The following APBB2 variants were observed in gnomAD, a reference collection of about 807,000 sequenced individuals.
APBB2 encodes Fe65-like 1.
In APBB2, 38 loss-of-function variants were observed where a neutral mutation model predicts 82.5. The ratio of observed to expected loss-of-function variants is 0.46; its 90% confidence interval spans 0.36 to 0.60. The LOEUF (loss-of-function observed/expected upper bound fraction) is 0.60. Among genes scored for constraint, APBB2 ranks in the 20% least tolerant of loss-of-function variants. APBB2 has a pLI of 0.00. For missense variants in APBB2, 772 were observed against 972.3 expected (o/e 0.79, Z 2.74); for synonymous variants, 341 against 368.2 (o/e 0.93, Z 0.85).
rs762900676 is a variant in APBB2 at position 41,014,281 on chromosome 4, T to C, written c.137A>G (p.Asn46Ser). The C allele has an allele frequency of 1.5e-5, 24 of 1,614,054 alleles. No individual in the cohort carries two copies. Among genetic ancestry groups the C allele is most frequent in the Admixed American group, 5.0e-5 (3 of 60,006 alleles). The stretch of plus-strand genomic sequence containing the variant: ...TTTTATTTCAGCGTTCAACAGTTCA[T>C]TGTGGGAGGATCGGAGGTTAAGGGT... ...PNTLNLRSSHNELLNAEIKHT... is the reference protein window; with the variant it reads ...PNTLNLRSSHSELLNAEIKHT... Residue 46 changes from asparagine to serine, a missense_variant, in exon 6 of 18, where the codon AAT (asparagine) becomes AGT (serine). Transcript: ENST00000508593.
chr4:41,082,595 AG>A (rs1402534004), intron 3 of APBB2, among the ~76,000 whole-genome samples: 1 of 148,596 alleles, frequency 6.7e-6, no homozygotes, highest in African/African-American at 2.5e-5. Context: ...TTTAAGAGTT[AG>A]TGGTCCTGCT....
chr4:40,960,446 G>GT (rs371607683), intron 6 of APBB2, among the ~76,000 whole-genome samples: 48,399 of 120,398 alleles, frequency 0.4, 12,726 homozygotes, highest in South Asian at 0.55. Context: ...TTTTTTTTCG[G>GT]GTTTTTTTTT....
chr4:40,846,646 T>G (rs1156948898), intron 12 of APBB2, among the ~76,000 whole-genome samples: 1 of 152,186 alleles, frequency 6.6e-6, no homozygotes, highest in African/African-American at 2.4e-5. Flanking sequence ...CACCTCACTG[T>G]CCTGCCCAGC....
rs144148235 is a variant in APBB2, at chr4:41,013,654, G to A, written c.764C>T (p.Pro255Leu). ...CALHRIQNLA[P>L]SDEESSWTTL... ...TGTCCAGCTGGACTCCTCATCGCTC[G>A]GTGCCAGGTTCTGGATCCGGTGCAG... Residue 255 changes from proline to leucine, a missense_variant, in exon 6 of 18, where the codon CCG (proline) becomes CTG (leucine). Physicochemically the swap from Pro to Leu is moderately conservative, Grantham distance 98. Coordinates refer to ENST00000508593, the MANE Select transcript of APBB2 (RefSeq NM_004307.2). 2.4e-5 allele frequency: 39 copies of A among 1,614,202 alleles called. No homozygotes were observed. Among genetic ancestry groups the A allele is most frequent in the East Asian group, 4.5e-5 (2 of 44,882 alleles).
rs1560914552 is a variant in APBB2, at chr4:41,160,028, A to AGAAGAAGAAGAAGAG, written c.-416-16887_-416-16886insCTCTTCTTCTTCTTC. 2.7e-5 allele frequency among the ~76,000 whole-genome samples: 4 copies of AGAAGAAGAAGAAGAG among 147,640 alleles called. 1 individual carries two copies. Among genetic ancestry groups the AGAAGAAGAAGAAGAG allele is most frequent in the Admixed American group, 1.3e-4 (2 of 15,012 alleles). On this transcript the variant is annotated intron_variant, in intron 1 of 17. Transcript: ENST00000508593. ...AAGAAGAAGAAGAAGAAGAAGAAGA[A>AGAAGAAGAAGAAGAG]GAAGAAGAAAACATCACAGGATGCT...
At chr4:40,857,061 T>C (rs1578009394) in intron 12 of APBB2, 1 of 985,576 alleles carries the variant, frequency 1.0e-6, no homozygotes, top group South Asian at 4.7e-5. Flanking sequence ...CGGGCGGGGA[T>C]GCCGCCCCAG....
At chr4:41,166,977 T>C (rs1766840433) in intron 1 of APBB2, among the ~76,000 whole-genome samples, 1 of 152,234 alleles carries the variant, frequency 6.6e-6, no homozygotes, top group Non-Finnish European at 1.5e-5. Flanking sequence ...ATTTTGGGGT[T>C]AAACCCACAC....
chr4:41,044,488 T>C (rs1181924369), intron 4 of APBB2, among the ~76,000 whole-genome samples: 2 of 152,212 alleles, frequency 1.3e-5, no homozygotes, highest in African/African-American at 4.8e-5. Flanking sequence ...GTTATTTTTG[T>C]TGTTTGAAGC....
chr4:40,973,865 T>C (rs931592758), intron 6 of APBB2, among the ~76,000 whole-genome samples: 23 of 151,670 alleles, frequency 1.5e-4, no homozygotes, highest in African/African-American at 5.6e-4. Context: ...TTTTTTTTTT[T>C]TTTCCAGACA....
intron 3 of APBB2, among the ~76,000 whole-genome samples, chr4:41,086,622 T>C (rs1192140021): frequency 6.6e-6 from 1 of 152,130 alleles, no homozygotes; most frequent in Non-Finnish European, 1.5e-5. Flanking sequence ...CAAACTTTCA[T>C]GATAAAAAAC....
chr4:41,044,628 C>G (rs1722726051), intron 4 of APBB2, among the ~76,000 whole-genome samples: 1 of 152,212 alleles, frequency 6.6e-6, no homozygotes, highest in Non-Finnish European at 1.5e-5. Context: ...AAAATACTGG[C>G]TCACATTTTG....
chr4:40,982,404 A>AGGAAAGGAAAGGAAAG (rs71198620), intron 6 of APBB2, among the ~76,000 whole-genome samples: 12 of 80,526 alleles, frequency 1.5e-4, no homozygotes, highest in African/African-American at 6.5e-4. Context: ...AGGAAAGGAA[A>AGGAAAGGAAAGGAAAG]GAAAGAAAGA....
At chr4:41,053,246 GT>G (rs1216094160) in intron 4 of APBB2, among the ~76,000 whole-genome samples, 6 of 152,000 alleles carry the variant, frequency 3.9e-5, no homozygotes, top group Non-Finnish European at 5.9e-5. Flanking sequence ...ATGACTTCTA[GT>G]TTTTTTCCCA....
At chr4:40,926,914 G>A (rs369156082) in intron 10 of APBB2, among the ~76,000 whole-genome samples, 20 of 152,166 alleles carry the variant, frequency 1.3e-4, no homozygotes, top group African/African-American at 4.1e-4. Flanking sequence ...CAGGAAAATT[G>A]CACGTAAGTG....
At position 40,953,252 on chromosome 4, in the gene APBB2, C is replaced by T. The variant is rs368106440; in HGVS notation, c.836-8179G>A. 2.0e-5 allele frequency among the ~76,000 whole-genome samples: 3 copies of T among 147,822 alleles called. No individual in the cohort carries two copies. The Admixed American group carries it at 2.0e-4, about 10-fold the overall frequency. On this transcript the variant is annotated intron_variant, in intron 6 of 17. Transcript: ENST00000508593. ...GGTAGGTTGCAGTCAGCCGAGATCA[C>T]GCCACTGCACTCCAGCCTGGGCAAC...
At chr4:41,096,131 A>G (rs1018973577) in intron 3 of APBB2, among the ~76,000 whole-genome samples, 5 of 152,150 alleles carry the variant, frequency 3.3e-5, no homozygotes, top group Non-Finnish European at 5.9e-5. Flanking sequence ...CAGCTCTTCA[A>G]TGCAGTGAAC....
chr4:40,913,408 C>T (rs779281758), intron 10 of APBB2, among the ~76,000 whole-genome samples: 1 of 152,218 alleles, frequency 6.6e-6, no homozygotes, highest in East Asian at 1.9e-4. Context: ...ACTCTCTACC[C>T]TAAAATGTGC....
In APBB2 at chr4:40,961,774, C is replaced by T. The variant is rs928085741; in HGVS notation, c.836-16701G>A. ...TCATATTGTTGGAATATAACTTCATCGGTTATGATTCATTCATTTTCCACC... is the reference window on the plus strand; with the variant it reads ...TCATATTGTTGGAATATAACTTCATTGGTTATGATTCATTCATTTTCCACC... On this transcript the variant is annotated intron_variant, in intron 6 of 17. Transcript: ENST00000508593. 4.1e-5 allele frequency among the ~76,000 whole-genome samples: 6 copies of T among 145,570 alleles called. No homozygotes were observed. In the South Asian group the frequency reaches 7.0e-4, roughly 17 times the overall value.
chr4:40,879,606 AAGAC>A (rs1359040793), intron 12 of APBB2, among the ~76,000 whole-genome samples: 3 of 152,230 alleles, frequency 2.0e-5, no homozygotes, highest in Non-Finnish European at 4.4e-5. Context: ...AGATATTAAA[AAGAC>A]AGAATAATAC....
Sources: gnomAD v4.1 joint callset for allele counts (sites outside exome capture counted in the v4.1 genomes callset) on GRCh38, gnomAD v4.1.1 for gene constraint, MANE v1.5 for transcripts, NCBI Gene and HGNC (gene_info 2026-07-23, HGNC 2026-07-21) for gene names.